The following ITPK1 variants were observed in gnomAD, a reference collection of about 807,000 sequenced individuals.
ITPK1 encodes inositol 1,3,4-trisphosphate 5/6-kinase.
Under a neutral mutation model 45.3 loss-of-function variants are expected in ITPK1, and 21 were observed. The ratio of observed to expected loss-of-function variants is 0.46; its 90% CI spans 0.33 to 0.67. ITPK1 has a LOEUF of 0.67. ITPK1 is among the 30% of genes least tolerant of loss of function. The pLI, the probability that ITPK1 is intolerant of heterozygous loss-of-function variation, is 0.02. For synonymous variants in ITPK1, 258 were observed against 253.6 expected (o/e 1.02, Z -0.16); for missense variants, 474 against 573.5 (o/e 0.83, Z 1.77).
At chr14:93,002,692 C>T (rs1049472407) in intron 4 of ITPK1, among the ~76,000 whole-genome samples, 11 of 152,118 alleles carry the variant, frequency 7.2e-5, no homozygotes, top group African/African-American at 2.4e-4. Flanking sequence ...ATCCAGTTTG[C>T]GATTTCCTTT....
rs372572601 is a variant in ITPK1, at chr14:92,944,746, C to T, written c.901+1585G>A. ...CTTGCATTATCCTGAATGTCCCTTG[C>T]GCCCTGGTTCCCTCATACCTGCCAG... On this transcript the variant is annotated intron_variant, in intron 10 of 10. Transcript: ENST00000267615. 8.5e-5 allele frequency among the ~76,000 whole-genome samples: 13 copies of T among 152,302 alleles called. No homozygotes were observed. In the East Asian group the frequency reaches 1.4e-3, roughly 16 times the overall value.
At chr14:93,058,382 G>A (rs1434841122) in intron 3 of ITPK1, among the ~76,000 whole-genome samples, 1 of 141,582 alleles carries the variant, frequency 7.1e-6, no homozygotes, top group African/African-American at 2.7e-5. Flanking sequence ...TAAGGCAGGG[G>A]TGGAGGGGGT....
At chr14:93,100,140 C>G (rs979926651) in intron 2 of ITPK1, among the ~76,000 whole-genome samples, 1 of 152,208 alleles carries the variant, frequency 6.6e-6, no homozygotes, top group Non-Finnish European at 1.5e-5. Context: ...CGCTGCATTC[C>G]CCAGCCCCAG....
rs533757447 is a variant in ITPK1, at chr14:93,034,063, G to A, written c.121-17262C>T. On this transcript the variant is annotated intron_variant, in intron 3 of 10. Coordinates refer to ENST00000267615, the MANE Select transcript of ITPK1 (RefSeq NM_014216.6). This position sits in a 1 kb window ranked among gnomAD's most constrained non-coding sequence, Gnocchi z 4.1. ...GGGAGAAAGAGTGGGCTCTGATGCT[G>A]GGAGCCCCCAGCTCCCTATCCAAAG... is the stretch of plus-strand genomic sequence containing the variant. Among the ~76,000 whole-genome samples the A allele has an allele frequency of 1.3e-5, 2 of 152,008 alleles. No homozygotes were observed. The highest frequency in any genetic ancestry group is 4.2e-4 in the South Asian group (2 of 4,810).
chr14:92,958,220 G>T lies in ITPK1; in HGVS notation c.651C>A (p.Asn217Lys), dbSNP rs192666906. The part of the protein sequence containing the change: ...YTVVQRPSLK[N>K]FSAGTSDRES... ...AGTTACCTGATGTGCCTGCGGAGAA[G>T]TTCTTGAGTGAGGGCCTCTGGACCA... is the stretch of plus-strand genomic sequence containing the variant. The change falls in exon 8 of 11, where the codon AAC (asparagine) becomes AAA (lysine). Residue 217 changes from asparagine to lysine, a missense_variant. Coordinates refer to ENST00000267615, the MANE Select transcript of ITPK1 (RefSeq NM_014216.6). This position sits in a 1 kb window ranked among gnomAD's most constrained non-coding sequence, Gnocchi z 4.4. The T allele has an allele frequency of 3.1e-6, 5 of 1,614,190 alleles. No homozygotes were observed. Among genetic ancestry groups the T allele is most frequent in the Non-Finnish European group, 4.2e-6 (5 of 1,180,034 alleles).
chr14:93,005,554 T>C (rs1198419328), intron 4 of ITPK1, among the ~76,000 whole-genome samples: 2 of 152,044 alleles, frequency 1.3e-5, no homozygotes, highest in African/African-American at 4.8e-5. Context: ...CCTGGCACCC[T>C]CCAACACTCT....
At position 93,041,948 on chromosome 14, in the gene ITPK1, C is replaced by T. The variant is rs114310342; in HGVS notation, c.121-25147G>A. On this transcript the variant is annotated intron_variant, in intron 3 of 10. Coordinates refer to ENST00000267615, the MANE Select transcript of ITPK1 (RefSeq NM_014216.6). ...ACCATATGTTCCTGGTAGCAAGGAC[C>T]CTATCTCACCCAGCCTGTGTCCCCC... 7.4e-3 allele frequency among the ~76,000 whole-genome samples: 1,129 copies of T among 152,258 alleles called. 16 individuals carry two copies. Among genetic ancestry groups the T allele is most frequent in the African/African-American group, 0.025 (1,051 of 41,526 alleles).
intron 10 of ITPK1, 112 bp downstream of exon 10, chr14:92,946,219 T>G: frequency 1.6e-6 from 2 of 1,267,162 alleles, no homozygotes; most frequent in Admixed American, 1.7e-5. Flanking sequence ...CCGGACCTCG[T>G]GGTGAGGGAG....
At chr14:92,947,750 T>A (rs1470095620) in intron 9 of ITPK1, among the ~76,000 whole-genome samples, 1 of 152,086 alleles carries the variant, frequency 6.6e-6, no homozygotes, top group Non-Finnish European at 1.5e-5. Context: ...TTTTGGGGGT[T>A]GTGGGCTTAG....
chr14:93,027,247 A>G (rs1888784133), intron 3 of ITPK1, among the ~76,000 whole-genome samples: 2 of 152,162 alleles, frequency 1.3e-5, no homozygotes, highest in South Asian at 2.1e-4. Context: ...AAACCAGTGA[A>G]ATGTCTTATT....
chr14:93,061,484 G>A (rs747552406), intron 3 of ITPK1, among the ~76,000 whole-genome samples: 8 of 152,324 alleles, frequency 5.3e-5, no homozygotes, highest in South Asian at 2.1e-4. Flanking sequence ...TGGGCAGAGA[G>A]AGTGGGTCTG....
At chr14:93,077,997 T>C (rs1891296820) in intron 2 of ITPK1, among the ~76,000 whole-genome samples, 1 of 152,186 alleles carries the variant, frequency 6.6e-6, no homozygotes, top group Admixed American at 6.5e-5. Context: ...CCCAAGCTCC[T>C]TGGAGCAGGG....
chr14:93,065,210 A>G (rs1227324569), intron 3 of ITPK1, among the ~76,000 whole-genome samples: 4 of 152,216 alleles, frequency 2.6e-5, no homozygotes, highest in African/African-American at 9.6e-5. Context: ...GCTTTAGCCA[A>G]ACCAAACAGA....
Position 93,032,816 on chromosome 14 carries a change from G to A in ITPK1, c.121-16015C>T, listed in dbSNP as rs996289187. 1.3e-5 allele frequency among the ~76,000 whole-genome samples: 2 copies of A among 152,222 alleles called. No homozygotes were observed. Among genetic ancestry groups the A allele is most frequent in the Admixed American group, 1.3e-4 (2 of 15,292 alleles). ...GCCATCGCACTCTGCAGACTGCAGC[G>A]TACTCCACAGCTCTGAGCAGCTGCT... On this transcript the variant is annotated intron_variant, in intron 3 of 10. Coordinates refer to ENST00000267615, the MANE Select transcript of ITPK1 (RefSeq NM_014216.6). The surrounding 1 kb of genome is among the most constrained non-coding windows in gnomAD (Gnocchi z 4.0).
At position 93,014,026 on chromosome 14, in the gene ITPK1, G is replaced by A. The variant is rs535277382; in HGVS notation, c.246+2650C>T. ...TGGGGCCTCTGGAAAGTGCAGCCCC[G>A]CACCCTTTTCTCCAAAGGATTGTTC... On this transcript the variant is annotated intron_variant, in intron 4 of 10. Coordinates refer to ENST00000267615, the MANE Select transcript of ITPK1 (RefSeq NM_014216.6). The surrounding 1 kb of genome is among the most constrained non-coding windows in gnomAD (Gnocchi z 4.4). Among the ~76,000 whole-genome samples the A allele has an allele frequency of 1.0e-3, 153 of 152,260 alleles. No homozygotes were observed. The highest frequency in any genetic ancestry group is 3.4e-3 in the African/African-American group (141 of 41,556).
intron 2 of ITPK1, among the ~76,000 whole-genome samples, chr14:93,091,406 C>T (rs1891861743): frequency 6.6e-6 from 1 of 152,172 alleles, no homozygotes; most frequent in Non-Finnish European, 1.5e-5. Context: ...ACCAGTCTTG[C>T]TCCCCTCCAC....
At chr14:93,077,479 G>A (rs1166089955) in intron 2 of ITPK1, among the ~76,000 whole-genome samples, 2 of 152,026 alleles carry the variant, frequency 1.3e-5, no homozygotes, top group African/African-American at 2.4e-5. Flanking sequence ...CACCACGCCC[G>A]GCTAATTTTT....
At chr14:93,083,160 C>A (rs1048789935) in intron 2 of ITPK1, among the ~76,000 whole-genome samples, 3 of 152,156 alleles carry the variant, frequency 2.0e-5, no homozygotes, top group Non-Finnish European at 4.4e-5. Flanking sequence ...ACGGCATCCA[C>A]GCCACCACCA....
intron 4 of ITPK1, among the ~76,000 whole-genome samples, chr14:92,999,891 A>G (rs1159768429): frequency 6.6e-6 from 1 of 152,216 alleles, no homozygotes; most frequent in Non-Finnish European, 1.5e-5. Context: ...AGGAAATCCC[A>G]TTCCCTTTCA....
Sources: allele counts gnomAD v4.1 joint callset (sites outside exome capture counted in the v4.1 genomes callset), GRCh38; gene constraint gnomAD v4.1.1; non-coding constraint Gnocchi (gnomAD v3.1); transcripts MANE v1.5; gene names NCBI Gene and HGNC (gene_info 2026-07-23, HGNC 2026-07-21).